USH2A: variants seen among roughly 807,000 people sequenced by gnomAD.
The protein encoded by USH2A is Usher syndrome 2A (autosomal recessive, mild).
In USH2A, 443 loss-of-function variants were observed where a neutral mutation model predicts 538.9. That is an observed-to-expected ratio of 0.82 (90% CI 0.76 to 0.89). USH2A has a LOEUF of 0.89. Among genes scored for constraint, USH2A ranks in the 40% least tolerant of loss-of-function variants. USH2A has a pLI of 0.00. For synonymous variants in USH2A, 2,413 were observed against 2,273.5 expected (o/e 1.06, Z -1.75); for missense variants, 6,633 against 6,324.8 (o/e 1.05, Z -1.65).
At chr1:215,852,340 G>T (rs1186706137) in intron 44 of USH2A, among the ~76,000 whole-genome samples, 1 of 152,126 alleles carries the variant, frequency 6.6e-6, no homozygotes, top group Non-Finnish European at 1.5e-5. Flanking sequence ...CACAAGAATA[G>T]CATGGAAAAG....
intron 21 of USH2A, among the ~76,000 whole-genome samples, chr1:216,152,258 G>C (rs543915042): frequency 6.6e-6 from 1 of 152,172 alleles, no homozygotes; most frequent in Admixed American, 6.5e-5. Context: ...TGACCTGCAC[G>C]TATACGCCCA....
At chr1:216,247,351 T>G in intron 12 of USH2A, 125 bp from the exon 13 acceptor site, 1 of 1,185,922 alleles carries the variant, frequency 8.4e-7, no homozygotes, top group Non-Finnish European at 1.2e-6. Flanking sequence ...TCACAAGCAA[T>G]GCCATAGGGG....
At chr1:215,851,434 A>G (rs1376729526) in intron 44 of USH2A, among the ~76,000 whole-genome samples, 1 of 152,198 alleles carries the variant, frequency 6.6e-6, no homozygotes, top group Non-Finnish European at 1.5e-5. Context: ...TATGCAAATA[A>G]ACTAGAAAAC....
rs147037435 is a variant in USH2A, at chr1:215,650,613, G to T, written c.14322C>A (p.Ser4774Arg). 9.3e-6 allele frequency: 15 copies of T among 1,614,120 alleles called. No individual in the cohort carries two copies. The South Asian group carries it at 1.2e-4, about 13-fold the overall frequency. ...TCACCACTGTCTCAGCCCCATGGGC[G>T]CTGCTGGAGAACAGCCTGTAGAGAC... ...IVSLYRLFSS[S>R]AHGAETVLSE... Residue 4774 changes from serine to arginine, a missense_variant, in exon 65 of 72, where the codon AGC becomes AGA. Transcript: ENST00000307340.
At chr1:215,948,873 T>A (rs1666825312) in intron 37 of USH2A, among the ~76,000 whole-genome samples, 2 of 152,216 alleles carry the variant, frequency 1.3e-5, no homozygotes, top group Admixed American at 6.5e-5. Flanking sequence ...CTAAAAAAAA[T>A]TGGTTATGGC....
chr1:216,172,075 T>C (rs973042268), intron 21 of USH2A, among the ~76,000 whole-genome samples: 3 of 152,062 alleles, frequency 2.0e-5, no homozygotes, highest in Non-Finnish European at 2.9e-5. Context: ...AGCTTGGTAA[T>C]TTACAATATT....
intron 8 of USH2A, among the ~76,000 whole-genome samples, chr1:216,322,249 T>C (rs1392518465): frequency 6.6e-6 from 1 of 152,140 alleles, no homozygotes; most frequent in African/African-American, 2.4e-5. Context: ...ATTTTTTATA[T>C]CTATACCAAC....
At chr1:215,678,297 G>A (rs1378633840) in intron 62 of USH2A, among the ~76,000 whole-genome samples, 4 of 152,150 alleles carry the variant, frequency 2.6e-5, no homozygotes. Context: ...CTTTACCACA[G>A]CCTACAATGT....
At chr1:216,226,238 T>C (rs573059271) in intron 14 of USH2A, among the ~76,000 whole-genome samples, 69 of 152,212 alleles carry the variant, frequency 4.5e-4, no homozygotes, top group Non-Finnish European at 6.3e-4. Flanking sequence ...GGATATAAAA[T>C]GAGTTAGTCA....
At chr1:216,152,270 A>G (rs934528597) in intron 21 of USH2A, among the ~76,000 whole-genome samples, 3 of 152,244 alleles carry the variant, frequency 2.0e-5, no homozygotes, top group African/African-American at 7.2e-5. Flanking sequence ...ATACGCCCAG[A>G]TGGCCTGAAG....
Position 215,758,645 on chromosome 1 carries a change from T to C in USH2A, c.11339A>G (p.Asn3780Ser). ...AGAATAAGGCCCAATTACTGTGATA[T>C]TATATGGAGGATAGATTTCTTCTGG... ...STPEEIYPPY[N>S]ITVIGPYSIF... Residue 3780 changes from asparagine (N) to serine (S), a missense_variant, in exon 58 of 72, where the codon AAT becomes AGT. Asn to Ser is a conservative substitution (Grantham distance 46). Coordinates refer to ENST00000307340, the MANE Select transcript of USH2A (RefSeq NM_206933.4). 6.2e-7 allele frequency: 1 copy of C among 1,613,824 alleles called. No individual in the cohort carries two copies. Among genetic ancestry groups the C allele is most frequent in the Non-Finnish European group, 8.5e-7 (1 of 1,179,844 alleles).
intron 55 of USH2A, among the ~76,000 whole-genome samples, chr1:215,770,057 C>T (rs1449528241): frequency 6.6e-6 from 1 of 152,214 alleles, no homozygotes; most frequent in Non-Finnish European, 1.5e-5. Flanking sequence ...AGCAACTTCA[C>T]ATCTGCCATA....
intron 11 of USH2A, among the ~76,000 whole-genome samples, chr1:216,288,329 C>G (rs1291565312): frequency 1.3e-5 from 2 of 152,074 alleles, no homozygotes; most frequent in Non-Finnish European, 2.9e-5. Flanking sequence ...CTTCAGCTTT[C>G]TAATGAAGCA....
chr1:216,333,413 T>A (rs2037907552), intron 4 of USH2A, among the ~76,000 whole-genome samples: 1 of 152,030 alleles, frequency 6.6e-6, no homozygotes, highest in South Asian at 2.1e-4. Context: ...TTATTCAGTG[T>A]GAGCAATAGA....
chr1:216,210,267 A>T (rs1389121634), intron 15 of USH2A, among the ~76,000 whole-genome samples: 3 of 152,006 alleles, frequency 2.0e-5, no homozygotes, highest in African/African-American at 7.3e-5. Flanking sequence ...ATATGAGTAA[A>T]CAGCAAACTG....
At chr1:216,193,370 T>C (rs2034762186) in intron 19 of USH2A, among the ~76,000 whole-genome samples, 1 of 152,134 alleles carries the variant, frequency 6.6e-6, no homozygotes, top group African/African-American at 2.4e-5. Context: ...GACAGATTAA[T>C]GAAAAATAAG....
intron 55 of USH2A, among the ~76,000 whole-genome samples, chr1:215,774,908 T>G: frequency 8.3e-6 from 1 of 120,106 alleles, no homozygotes; most frequent in South Asian, 2.8e-4. Context: ...TTTTTTTTTC[T>G]TTTTTTTTTT....
At chr1:216,022,496 A>G (rs1025435269) in intron 32 of USH2A, among the ~76,000 whole-genome samples, 1 of 152,180 alleles carries the variant, frequency 6.6e-6, no homozygotes, top group African/African-American at 2.4e-5. Context: ...GAGAGAGATC[A>G]TTCTGAGAGC....
intron 4 of USH2A, among the ~76,000 whole-genome samples, chr1:216,330,667 T>G (rs2037841779): frequency 1.3e-5 from 2 of 152,034 alleles, no homozygotes; most frequent in Non-Finnish European, 2.9e-5. Context: ...TCTAATAGCC[T>G]ACTGTAAGAA....
Sources: allele counts gnomAD v4.1 joint callset (sites outside exome capture counted in the v4.1 genomes callset), GRCh38; gene constraint gnomAD v4.1.1; transcripts MANE v1.5; gene names NCBI Gene and HGNC (gene_info 2026-07-23, HGNC 2026-07-21).